Variants in FHIP1A observed in about 807,000 individuals in gnomAD.
The protein encoded by FHIP1A is FHF complex subunit HOOK interacting protein 1A, also known as FHF complex subunit HOOK-interacting protein 1A.
Under a neutral mutation model 88.6 loss-of-function variants are expected in FHIP1A, and 61 were observed. The observed-to-expected ratio is 0.69, with a 90% CI of 0.56 to 0.85. The LOEUF (loss-of-function observed/expected upper bound fraction) is 0.85. FHIP1A is among the 40% of genes least tolerant of loss of function. The pLI is 0.00. For missense variants in FHIP1A, 1,154 were observed against 1,273.5 expected, an observed-to-expected ratio of 0.91 and a Z score of 1.43; for synonymous variants, 478 against 496.0, an observed-to-expected ratio of 0.96 and a Z score of 0.48.
intron 1 of FHIP1A, among the ~76,000 whole-genome samples, chr4:151,428,009 G>A (rs1561490483): frequency 6.6e-6 from 1 of 152,136 alleles, no homozygotes; most frequent in Non-Finnish European, 1.5e-5. Context: ...GAGAAATGAT[G>A]TATGGAAATA....
At chr4:151,582,234 G>A (rs749725611) in intron 5 of FHIP1A, among the ~76,000 whole-genome samples, 29 of 152,076 alleles carry the variant, frequency 1.9e-4, no homozygotes, top group Non-Finnish European at 3.8e-4. Context: ...GTTATGCTGC[G>A]AGCTTCAGAC....
intron 3 of FHIP1A, among the ~76,000 whole-genome samples, chr4:151,547,846 A>G (rs922750952): frequency 6.6e-6 from 1 of 151,940 alleles, no homozygotes; most frequent in East Asian, 1.9e-4. Flanking sequence ...CCTGGGAGGT[A>G]GAGGTTGCAG....
At chr4:151,520,906 A>G (rs1390710450) in intron 3 of FHIP1A, among the ~76,000 whole-genome samples, 2 of 152,360 alleles carry the variant, frequency 1.3e-5, no homozygotes, top group East Asian at 1.9e-4. Flanking sequence ...GTTCTGTAAT[A>G]TATTGTAAAC....
intron 13 of FHIP1A, among the ~76,000 whole-genome samples, chr4:151,660,604 C>T (rs541978075): frequency 1.2e-4 from 19 of 152,146 alleles, no homozygotes; most frequent in Admixed American, 3.3e-4. Context: ...TAGGGCTCAG[C>T]CCTGAGAAAG....
chr4:151,552,975 A>G (rs1433027531), intron 3 of FHIP1A, among the ~76,000 whole-genome samples: 2 of 152,160 alleles, frequency 1.3e-5, no homozygotes, highest in African/African-American at 4.8e-5. Context: ...TTCTTACACA[A>G]TTTATTTGAT....
chr4:151,454,681 A>T lies in FHIP1A; in HGVS notation c.-355-20A>T, dbSNP rs1422793746. ...AAATGCACAGGTGTTTTTCTGAAGGACTTTTTTTTTTTTTTCCAGGTGATA... is the reference window on the plus strand; with the variant it reads ...AAATGCACAGGTGTTTTTCTGAAGGTCTTTTTTTTTTTTTTCCAGGTGATA... On this transcript the variant is annotated intron_variant, in intron 1 of 13. Coordinates refer to ENST00000435205, the MANE Select transcript of FHIP1A (RefSeq NM_001109977.3). 6.6e-6 allele frequency: 1 copy of T among 150,798 alleles called. No individual in the cohort carries two copies. Among genetic ancestry groups the T allele is most frequent in the Non-Finnish European group, 1.5e-5 (1 of 67,726 alleles). The allele number at this position is 150,798 out of a possible 1,614,324, so 9.3% of individuals were successfully genotyped here.
Position 151,656,332 on chromosome 4 carries a change from C to A in FHIP1A, c.2652C>A (p.Ser884Arg). Residue 884 changes from serine to arginine, a missense_variant, in exon 12 of 14, where the codon AGC becomes AGA. By Grantham distance (110) the Ser-to-Arg change is moderately radical (BLOSUM62 -1). Coordinates refer to ENST00000435205, the MANE Select transcript of FHIP1A (RefSeq NM_001109977.3). The surrounding 1 kb of genome is among the most constrained non-coding windows in gnomAD (Gnocchi z 4.2). ...TCGGGATCATTACTCAGCTAGCCAG[C>A]TACCCCCAGCCACTCCTGCGCTCCT... ...LLIGIITQLA[S>R]YPQPLLRSFL... 1 of 1,551,682 alleles carries A rather than the reference C, an allele frequency of 6.4e-7. No homozygotes were observed. The highest frequency in any genetic ancestry group is 8.7e-7 in the Non-Finnish European group (1 of 1,146,986).
chr4:151,644,166 G>T (rs1478817180), intron 9 of FHIP1A, among the ~76,000 whole-genome samples: 1 of 151,990 alleles, frequency 6.6e-6, no homozygotes, highest in Non-Finnish European at 1.5e-5. Context: ...TGTGTAATCC[G>T]AATTTCTCTA....
chr4:151,444,202 A>T (rs1728511434), intron 1 of FHIP1A, among the ~76,000 whole-genome samples: 1 of 152,064 alleles, frequency 6.6e-6, no homozygotes, highest in Admixed American at 6.6e-5. Context: ...TTTCAATAGT[A>T]TGGAATTCTC....
At chr4:151,624,066 TG>T (rs1247731041) in intron 7 of FHIP1A, among the ~76,000 whole-genome samples, 29 of 152,218 alleles carry the variant, frequency 1.9e-4, no homozygotes, top group African/African-American at 4.8e-5. Flanking sequence ...GGGCCATTCC[TG>T]ATATGTTCCC....
rs370374898 is a variant in FHIP1A, at chr4:151,411,343, A to ATTCTTTTTTTTTTTTTTTTTTTTTTT, written c.-356+1879_-356+1880insTCTTTTTTTTTTTTTTTTTTTTTTTT. On this transcript the variant is annotated intron_variant, in intron 1 of 13. Coordinates refer to ENST00000435205, the MANE Select transcript of FHIP1A (RefSeq NM_001109977.3). ...AATTGCCTCTGAGGAGTGAAATTAT[A>ATTCTTTTTTTTTTTTTTTTTTTTTTT]TATATATTTTTTTTTTTTTAAAGTT... 6.2e-5 allele frequency among the ~76,000 whole-genome samples: 7 copies of ATTCTTTTTTTTTTTTTTTTTTTTTTT among 112,180 alleles called. 2 individuals carry two copies. Among genetic ancestry groups the ATTCTTTTTTTTTTTTTTTTTTTTTTT allele is most frequent in the Non-Finnish European group, 1.1e-4 (6 of 56,658 alleles). The allele number at this position is 112,180 out of a possible 152,430, so 73.6% of individuals were successfully genotyped here. A position where few individuals can be genotyped will look rare whatever the true frequency, so the allele number is the denominator to read the frequency against.
chr4:151,548,567 C>T (rs1185011887), intron 3 of FHIP1A, among the ~76,000 whole-genome samples: 1 of 152,180 alleles, frequency 6.6e-6, no homozygotes, highest in Non-Finnish European at 1.5e-5. Flanking sequence ...TCTGGTGGTC[C>T]TCACTGCTAC....
At chr4:151,533,896 G>A (rs1287640392) in intron 3 of FHIP1A, among the ~76,000 whole-genome samples, 2 of 152,200 alleles carry the variant, frequency 1.3e-5, no homozygotes, top group African/African-American at 4.8e-5. Context: ...TATCAGAGTA[G>A]AGATTTGTAA....
chr4:151,581,447 T>G (rs1443462597), intron 5 of FHIP1A, among the ~76,000 whole-genome samples: 1 of 152,162 alleles, frequency 6.6e-6, no homozygotes, highest in African/African-American at 2.4e-5. Context: ...ATTTAAAAAT[T>G]TAAATATGAC....
rs767406806 is a variant in FHIP1A at position 151,668,654 on chromosome 4, C to T, written c.*5900C>T. On this transcript the variant is annotated 3_prime_UTR_variant, in exon 14 of 14. Coordinates refer to ENST00000435205, the MANE Select transcript of FHIP1A (RefSeq NM_001109977.3). ...GCAGAAGCCTAGTAGTTGGTATCAC[C>T]AGTGTCTCTTCAAAAGGGCCCCACA... 1.7e-4 allele frequency among the ~76,000 whole-genome samples: 26 copies of T among 152,224 alleles called. No individual in the cohort carries two copies. The highest frequency in any genetic ancestry group is 6.3e-4 in the African/African-American group (26 of 41,448).
chr4:151,618,078 A>T (rs191664219), intron 7 of FHIP1A, among the ~76,000 whole-genome samples: 2 of 152,326 alleles, frequency 1.3e-5, no homozygotes, highest in East Asian at 3.9e-4. Context: ...TTTTTGAGGG[A>T]TAAATGCTTC....
intron 3 of FHIP1A, among the ~76,000 whole-genome samples, chr4:151,513,062 G>T (rs563685483): frequency 6.3e-4 from 96 of 152,290 alleles, no homozygotes; most frequent in African/African-American, 2.2e-3. Context: ...GAAAGGTCAG[G>T]TTACCCTCAA....
chr4:151,474,800 G>T (rs1366861979), intron 2 of FHIP1A, among the ~76,000 whole-genome samples: 4 of 152,198 alleles, frequency 2.6e-5, no homozygotes, highest in Non-Finnish European at 5.9e-5. Flanking sequence ...CATGATGCTT[G>T]CTGTGAGGCT....
chr4:151,514,049 G>A (rs1318668052), intron 3 of FHIP1A, among the ~76,000 whole-genome samples: 1 of 151,812 alleles, frequency 6.6e-6, no homozygotes, highest in Non-Finnish European at 1.5e-5. Context: ...CCACATAGTT[G>A]GAAGTAAAGC....
Sources: allele counts gnomAD v4.1 joint callset (sites outside exome capture counted in the v4.1 genomes callset), GRCh38; gene constraint gnomAD v4.1.1; non-coding constraint Gnocchi (gnomAD v3.1); transcripts MANE v1.5; gene names NCBI Gene and HGNC (gene_info 2026-07-23, HGNC 2026-07-21).